IRAK1BP1: variants seen among roughly 807,000 people sequenced by gnomAD.
The protein encoded by IRAK1BP1 is interleukin 1 receptor associated kinase 1 binding protein 1.
In IRAK1BP1, 24 loss-of-function variants were observed where a neutral mutation model predicts 28.0. The ratio of observed to expected loss-of-function variants is 0.86; its 90% CI spans 0.62 to 1.20. The LOEUF is 1.20. Ranked by LOEUF, IRAK1BP1 falls within the 50% of genes most tolerant of loss-of-function variation. The pLI is 0.00. For synonymous variants in IRAK1BP1, 131 were observed against 116.3 expected (o/e 1.13, Z -0.81); for missense variants, 336 against 316.7 (o/e 1.06, Z -0.46).
intron 4 of IRAK1BP1, among the ~76,000 whole-genome samples, chr6:78,925,078 C>A (rs1351968596): frequency 1.3e-5 from 2 of 151,916 alleles, no homozygotes; most frequent in Non-Finnish European, 2.9e-5. Flanking sequence ...GGAGAAAAAA[C>A]CAAACACGCA....
intron 1 of IRAK1BP1, among the ~76,000 whole-genome samples, chr6:78,868,331 C>G (rs1035192576): frequency 6.6e-6 from 1 of 152,188 alleles, no homozygotes; most frequent in Non-Finnish European, 1.5e-5. Context: ...TCCTTCCGAT[C>G]ATGTAAAACT....
At chr6:78,938,002 T>C (rs113074418) in intron 4 of IRAK1BP1, 1 of 151,676 alleles carries the variant, frequency 6.6e-6, no homozygotes, top group African/African-American at 2.4e-5. Flanking sequence ...CAATATTTCT[T>C]TCTGGCCTAT....
chr6:78,913,565 G>A (rs1209598768), intron 4 of IRAK1BP1, among the ~76,000 whole-genome samples: 2 of 152,090 alleles, frequency 1.3e-5, no homozygotes, highest in Admixed American at 6.5e-5. Flanking sequence ...ATAATCACCT[G>A]AACCCAGGAG....
the IRAK1BP1 span, among the ~76,000 whole-genome samples, chr6:78,974,025 C>T: frequency 6.6e-6 from 1 of 152,138 alleles, no homozygotes; most frequent in Non-Finnish European, 1.5e-5. Flanking sequence ...ACCAAGCAGA[C>T]CTAATAGACT....
intron 4 of IRAK1BP1, among the ~76,000 whole-genome samples, chr6:78,942,802 T>C (rs974560488): frequency 1.3e-5 from 2 of 152,222 alleles, no homozygotes; most frequent in Non-Finnish European, 2.9e-5. Flanking sequence ...TCCCTTGTAA[T>C]GGTCCCAAAT....
At chr6:78,949,104 A>G (rs1047782242), downstream of IRAK1BP1, among the ~76,000 whole-genome samples, 1 of 152,196 alleles carries the variant, frequency 6.6e-6, no homozygotes, top group African/African-American at 2.4e-5. Context: ...ACCAGTAAAC[A>G]TGATATTAGC....
rs542672028 is a variant in IRAK1BP1, at chr6:78,925,158, G to A, written c.*68-20250G>A. ...CACAGGAAGGGGAACATCACACACC[G>A]GGGCCTGTTTTGGGGTGGGGGTATG... On this transcript the variant is annotated intron_variant and NMD_transcript_variant, in intron 4 of 4. Coordinates refer to the IRAK1BP1 transcript ENST00000606868. Among the ~76,000 whole-genome samples the A allele has an allele frequency of 6.5e-4, 99 of 152,058 alleles. 1 individual carries two copies. The South Asian group carries it at 8.0e-3, about 12-fold the overall frequency.
chr6:78,928,303 C>T (rs976961231), intron 4 of IRAK1BP1, among the ~76,000 whole-genome samples: 1 of 151,926 alleles, frequency 6.6e-6, no homozygotes, highest in African/African-American at 2.4e-5. Flanking sequence ...TGTTTGACTT[C>T]TTTTTCGGAT....
At chr6:78,907,960 C>T (rs1056952943), downstream of IRAK1BP1, among the ~76,000 whole-genome samples, 2 of 151,842 alleles carry the variant, frequency 1.3e-5, no homozygotes, top group Admixed American at 6.6e-5. Flanking sequence ...CCTCTTGATC[C>T]GCCCGCCTCA....
exon 5 of IRAK1BP1, chr6:78,945,948 G>C (rs796526228): frequency 7.4e-6 from 10 of 1,346,964 alleles, no homozygotes; most frequent in Middle Eastern, 1.9e-4. Context: ...CAAAGTAAAA[G>C]CTTAAATTAA....
At chr6:78,939,439 T>C (rs1773387424) in intron 4 of IRAK1BP1, 2 of 151,878 alleles carry the variant, frequency 1.3e-5, no homozygotes, top group Admixed American at 1.3e-4. Context: ...ATTTGGCCTA[T>C]TTTAACCTTT....
the IRAK1BP1 span, among the ~76,000 whole-genome samples, chr6:78,976,006 C>G: frequency 6.6e-6 from 1 of 151,802 alleles, no homozygotes; most frequent in Admixed American, 6.6e-5. Context: ...CCTTTCTTCA[C>G]AGAATTGGAA....
At chr6:78,961,650 C>T in the IRAK1BP1 span, 1 of 1,596,094 alleles carries the variant, frequency 6.3e-7, no homozygotes, top group Non-Finnish European at 8.6e-7. Context: ...GAAAGATCAC[C>T]AGCTTTCCTT....
intron 2 of IRAK1BP1, among the ~76,000 whole-genome samples, chr6:78,893,807 G>T (rs890103316): frequency 6.6e-6 from 1 of 152,068 alleles, no homozygotes; most frequent in Non-Finnish European, 1.5e-5. Flanking sequence ...GGAGGCTGAG[G>T]CAGGAGAATC....
chr6:78,887,940 T>C (rs1365255083), intron 2 of IRAK1BP1, among the ~76,000 whole-genome samples: 2 of 152,082 alleles, frequency 1.3e-5, no homozygotes, highest in Non-Finnish European at 2.9e-5. Context: ...ATAGCCAAGA[T>C]ATGGAAGCAA....
At chr6:78,909,474 A>G (rs1353999066) in intron 4 of IRAK1BP1, among the ~76,000 whole-genome samples, 2 of 152,334 alleles carry the variant, frequency 1.3e-5, no homozygotes, top group South Asian at 2.1e-4. Context: ...CCCCTGAATG[A>G]AAACATAATT....
At chr6:78,885,148 A>G (rs1771372222) in intron 1 of IRAK1BP1, among the ~76,000 whole-genome samples, 1 of 152,124 alleles carries the variant, frequency 6.6e-6, no homozygotes, top group Non-Finnish European at 1.5e-5. Flanking sequence ...ATTGAAAAGA[A>G]TAAAACTATT....
At chr6:78,927,351 A>G (rs1772917911) in intron 4 of IRAK1BP1, among the ~76,000 whole-genome samples, 1 of 151,988 alleles carries the variant, frequency 6.6e-6, no homozygotes, top group African/African-American at 2.4e-5. Flanking sequence ...GTCTTCTGAG[A>G]AATGTCTATT....
the IRAK1BP1 span, among the ~76,000 whole-genome samples, chr6:78,952,225 C>T: frequency 6.6e-6 from 1 of 151,972 alleles, no homozygotes; most frequent in Non-Finnish European, 1.5e-5. Flanking sequence ...TTGAGACCAT[C>T]CTGGCCAACA....
Sources: gnomAD v4.1 joint callset for allele counts (sites outside exome capture counted in the v4.1 genomes callset) on GRCh38, gnomAD v4.1.1 for gene constraint, MANE v1.5 for transcripts, NCBI Gene and HGNC (gene_info 2026-07-23, HGNC 2026-07-21) for gene names.